Variants in TMEM163 observed in about 807,000 individuals in gnomAD.
TMEM163 encodes the protein transmembrane protein 163.
Under a neutral mutation model 29.3 loss-of-function variants are expected in TMEM163, and 17 were observed. That is an observed-to-expected ratio of 0.58 (90% CI 0.40 to 0.87). The LOEUF is 0.87. TMEM163 is among the 40% of genes least tolerant of loss of function. TMEM163 has a pLI of 0.00. For synonymous variants in TMEM163, 157 were observed against 160.6 expected, an observed-to-expected ratio of 0.98 and a Z score of 0.17; for missense variants, 303 against 381.5, an observed-to-expected ratio of 0.79 and a Z score of 1.71.
chr2:134,456,682 C>T lies in TMEM163; in HGVS notation c.*34G>A, dbSNP rs756077853. 1.2e-5 allele frequency: 20 copies of T among 1,612,678 alleles called. No homozygotes were observed. The South Asian group carries it at 1.9e-4, about 15-fold the overall frequency. On this transcript the variant is annotated 3_prime_UTR_variant, in exon 8 of 8. Transcript: ENST00000281924. ...ACCCTTTGCCTATGTGGAAACTCCTCATCTCGATGGTCTCATGCGGATGCT... is the reference window on the plus strand; with the variant it reads ...ACCCTTTGCCTATGTGGAAACTCCTTATCTCGATGGTCTCATGCGGATGCT...
chr2:134,570,218 T>A (rs924055614), intron 2 of TMEM163, among the ~76,000 whole-genome samples: 4 of 152,138 alleles, frequency 2.6e-5, no homozygotes, highest in Non-Finnish European at 4.4e-5. Context: ...GAATCTTCTA[T>A]CTGTGGAGTT....
chr2:134,558,139 T>C (rs1214546016), intron 2 of TMEM163, among the ~76,000 whole-genome samples: 1 of 152,238 alleles, frequency 6.6e-6, no homozygotes, highest in Non-Finnish European at 1.5e-5. Context: ...GGCATATGAC[T>C]ATATGTGTCT....
chr2:134,620,551 C>T lies in TMEM163; in HGVS notation c.323-68460G>A, dbSNP rs116374744. ...GGATTACAGGGGTGAGGCACCACAC[C>T]CGGCTACACTACCTAATTTCAACAC... On this transcript the variant is annotated intron_variant, in intron 2 of 7. Coordinates refer to ENST00000281924, the MANE Select transcript of TMEM163 (RefSeq NM_030923.5). Among the ~76,000 whole-genome samples, 1,162 of 152,242 alleles carry T rather than the reference C, an allele frequency of 7.6e-3. 19 individuals are homozygous for T. The highest frequency in any genetic ancestry group is 0.026 in the African/African-American group (1,091 of 41,532).
intron 1 of TMEM163, 116 bp downstream of exon 1, chr2:134,718,618 C>T (rs1384697369): frequency 5.1e-6 from 4 of 784,070 alleles, no homozygotes; most frequent in Non-Finnish European, 6.4e-6. Context: ...AGTCGGGGCT[C>T]CGCGCCCCCG....
intron 5 of TMEM163, among the ~76,000 whole-genome samples, chr2:134,490,030 C>T (rs752959400): frequency 2.0e-5 from 3 of 152,208 alleles, no homozygotes; most frequent in Non-Finnish European, 4.4e-5. Context: ...GAGTTCCCAC[C>T]CCATGCCAGG....
chr2:134,672,533 G>A (rs1684016346), intron 2 of TMEM163, among the ~76,000 whole-genome samples: 1 of 151,984 alleles, frequency 6.6e-6, no homozygotes, highest in Admixed American at 6.6e-5. Flanking sequence ...AGCCACACCT[G>A]CCTGGCTAAT....
chr2:134,659,770 C>T (rs1472136848), intron 2 of TMEM163, among the ~76,000 whole-genome samples: 1 of 151,998 alleles, frequency 6.6e-6, no homozygotes, highest in African/African-American at 2.4e-5. Context: ...AGAGATTAAC[C>T]CCATCTCTAC....
chr2:134,486,985 C>A (rs1308376622), intron 5 of TMEM163, among the ~76,000 whole-genome samples: 1 of 152,034 alleles, frequency 6.6e-6, no homozygotes, highest in African/African-American at 2.4e-5. Context: ...AATTCAATAC[C>A]TATATACATA....
intron 4 of TMEM163, among the ~76,000 whole-genome samples, chr2:134,516,050 G>C (rs1680050698): frequency 1.3e-5 from 2 of 152,166 alleles, no homozygotes; most frequent in South Asian, 4.1e-4. Flanking sequence ...GCAAGGTGCA[G>C]TTTTGGTGAG....
chr2:134,594,584 C>G (rs946955120), intron 2 of TMEM163, among the ~76,000 whole-genome samples: 1 of 152,248 alleles, frequency 6.6e-6, no homozygotes, highest in East Asian at 1.9e-4. Flanking sequence ...AAGCGACTCT[C>G]CAGTTCCCTG....
At chr2:134,535,348 T>C (rs1371079730) in intron 4 of TMEM163, among the ~76,000 whole-genome samples, 1 of 152,210 alleles carries the variant, frequency 6.6e-6, no homozygotes, top group Non-Finnish European at 1.5e-5. Context: ...AACACCCATG[T>C]AGCAACAAAC....
intron 2 of TMEM163, among the ~76,000 whole-genome samples, chr2:134,577,599 G>A (rs967108198): frequency 6.6e-6 from 1 of 152,154 alleles, no homozygotes; most frequent in African/African-American, 2.4e-5. Flanking sequence ...GAGAGAGGGG[G>A]CAGGAAAGGG....
intron 2 of TMEM163, among the ~76,000 whole-genome samples, chr2:134,560,681 C>T (rs1681148896): frequency 6.6e-6 from 1 of 152,180 alleles, no homozygotes; most frequent in African/African-American, 2.4e-5. Context: ...AGAGCCAACA[C>T]AGAATAGTAT....
chr2:134,587,777 G>A (rs1399683711), intron 2 of TMEM163, among the ~76,000 whole-genome samples: 1 of 152,214 alleles, frequency 6.6e-6, no homozygotes, highest in Non-Finnish European at 1.5e-5. Context: ...AGGCTCCAGA[G>A]ATATCCTCCT....
At chr2:134,708,392 T>C (rs1684861625) in intron 2 of TMEM163, among the ~76,000 whole-genome samples, 1 of 152,124 alleles carries the variant, frequency 6.6e-6, no homozygotes, top group South Asian at 2.1e-4. Context: ...AGTCTCATAA[T>C]TTAGAAAGAA....
intron 2 of TMEM163, among the ~76,000 whole-genome samples, chr2:134,614,407 A>C (rs982100933): frequency 1.3e-5 from 2 of 151,974 alleles, no homozygotes; most frequent in African/African-American, 4.8e-5. Context: ...CTAATTTTCT[A>C]ATATTTCTAA....
chr2:134,711,033 T>G (rs1276025910), intron 2 of TMEM163, among the ~76,000 whole-genome samples: 1 of 152,230 alleles, frequency 6.6e-6, no homozygotes. Context: ...TTTGACACTT[T>G]ACAAAAACCT....
chr2:134,474,516 C>T (rs1298767121), intron 5 of TMEM163, among the ~76,000 whole-genome samples: 1 of 152,132 alleles, frequency 6.6e-6, no homozygotes, highest in Non-Finnish European at 1.5e-5. Flanking sequence ...CCATTTGACT[C>T]TGATTAGGAG....
At chr2:134,580,889 G>T (rs1363518191) in intron 2 of TMEM163, among the ~76,000 whole-genome samples, 1 of 152,168 alleles carries the variant, frequency 6.6e-6, no homozygotes, top group Non-Finnish European at 1.5e-5. Flanking sequence ...CTCCAGCCTG[G>T]GTGACAGAGC....
Sources: gnomAD v4.1 joint callset for allele counts (sites outside exome capture counted in the v4.1 genomes callset) on GRCh38, gnomAD v4.1.1 for gene constraint, MANE v1.5 for transcripts, NCBI Gene and HGNC (gene_info 2026-07-23, HGNC 2026-07-21) for gene names.